Variants in TOPAZ1 observed in about 807,000 individuals in gnomAD.
The protein encoded by TOPAZ1 is protein TOPAZ1.
TOPAZ1 carries 66 observed loss-of-function variants against 172.2 expected under a neutral mutation model. That is an observed-to-expected ratio of 0.38 (90% CI 0.31 to 0.47). The LOEUF is 0.47. Ranked by LOEUF, TOPAZ1 falls within the 20% of genes least tolerant of loss-of-function variation. The pLI is 0.99. For missense variants in TOPAZ1, 1,822 were observed against 1,972.4 expected, an observed-to-expected ratio of 0.92 and a Z score of 1.44; for synonymous variants, 681 against 683.9, an observed-to-expected ratio of 1.00 and a Z score of 0.07.
chr3:44,303,126 C>A (rs547898266), intron 12 of TOPAZ1, among the ~76,000 whole-genome samples: 11 of 152,310 alleles, frequency 7.2e-5, no homozygotes, highest in African/African-American at 2.6e-4. Flanking sequence ...AGCCACCTCA[C>A]ACAGGCTGTC....
At chr3:44,300,494 G>A (rs1160319209) in intron 12 of TOPAZ1, among the ~76,000 whole-genome samples, 1 of 152,108 alleles carries the variant, frequency 6.6e-6, no homozygotes, top group Non-Finnish European at 1.5e-5. Context: ...TATGCAGATG[G>A]CAACTAAGCA....
downstream of TOPAZ1, among the ~76,000 whole-genome samples, chr3:44,333,574 A>G (rs1240750468): frequency 1.3e-5 from 2 of 152,116 alleles, no homozygotes; most frequent in Non-Finnish European, 2.9e-5. Context: ...GCAGGAGGGA[A>G]AGGATGATAA....
chr3:44,293,038 T>G (rs1260273594), intron 12 of TOPAZ1, among the ~76,000 whole-genome samples: 1 of 152,196 alleles, frequency 6.6e-6, no homozygotes, highest in Non-Finnish European at 1.5e-5. Flanking sequence ...TATACCATGG[T>G]GATCCCATAA....
At chr3:44,258,618 A>T (rs1042618640) in intron 4 of TOPAZ1, among the ~76,000 whole-genome samples, 2 of 152,038 alleles carry the variant, frequency 1.3e-5, no homozygotes, top group African/African-American at 4.8e-5. Flanking sequence ...GTGGATATTC[A>T]ACCAAGTCAT....
intron 16 of TOPAZ1, among the ~76,000 whole-genome samples, chr3:44,317,812 G>A (rs2125703825): frequency 6.6e-6 from 1 of 152,224 alleles, no homozygotes; most frequent in African/African-American, 2.4e-5. Context: ...TTATTCTTGG[G>A]AATTTAATTC....
intron 12 of TOPAZ1, among the ~76,000 whole-genome samples, chr3:44,292,137 T>G (rs549972585): frequency 6.6e-6 from 1 of 152,338 alleles, no homozygotes; most frequent in African/African-American, 2.4e-5. Flanking sequence ...TAAATAGTAC[T>G]TCTTCCCTTC....
intron 18 of TOPAZ1, among the ~76,000 whole-genome samples, chr3:44,327,240 G>T (rs959301349): frequency 6.6e-6 from 1 of 152,218 alleles, no homozygotes; most frequent in Non-Finnish European, 1.5e-5. Flanking sequence ...TCAAAGATTA[G>T]CCATTACCCA....
chr3:44,319,546 GAACA>G (rs1700487404), intron 16 of TOPAZ1, among the ~76,000 whole-genome samples: 3 of 152,056 alleles, frequency 2.0e-5, no homozygotes, highest in Non-Finnish European at 4.4e-5. Flanking sequence ...AATGGTGAAC[GAACA>G]GTTTTACTTT....
Position 44,287,761 on chromosome 3 carries a change from A to G in TOPAZ1, c.3603A>G (p.Ile1201Met), listed in dbSNP as rs1245785118. The G allele has an allele frequency of 6.7e-7, 1 of 1,482,630 alleles. No individual in the cohort carries two copies. Among genetic ancestry groups the G allele is most frequent in the Non-Finnish European group, 9.1e-7 (1 of 1,103,268 alleles). The allele number at this position is 1,482,630 out of a possible 1,614,324, so 91.8% of individuals were successfully genotyped here. The change falls in exon 11 of 20, where the codon ATA (isoleucine) becomes ATG (methionine). Residue 1201 changes from isoleucine to methionine, a missense_variant. Physicochemically the swap from Ile to Met is conservative, Grantham distance 10 (BLOSUM62 1). This residue lies in a region of TOPAZ1 where 1,489 missense variants were observed against 1,490.8 expected (regional missense o/e 1.00). Coordinates refer to ENST00000309765, the MANE Select transcript of TOPAZ1 (RefSeq NM_001145030.2). The stretch of plus-strand genomic sequence containing the variant: ...GTTTTATCCAGCCTTCTCTGAAAAT[A>G]TTACTAAACATATTTGAGTATGTGG... Reference protein sequence around the residue: ...IMVKMLPSLKILLNIFEYVAT... With the variant: ...IMVKMLPSLKMLLNIFEYVAT...
chr3:44,251,212 C>G (rs1699626552), intron 2 of TOPAZ1, among the ~76,000 whole-genome samples: 1 of 152,070 alleles, frequency 6.6e-6, no homozygotes, highest in Non-Finnish European at 1.5e-5. Context: ...CCTCTACCTA[C>G]CAGGCTCAAA....
At chr3:44,334,427 T>G (rs1262697570), downstream of TOPAZ1, among the ~76,000 whole-genome samples, 1 of 152,112 alleles carries the variant, frequency 6.6e-6, no homozygotes, top group Non-Finnish European at 1.5e-5. Context: ...TCTTGCTCTG[T>G]GTCATGAAGG....
intron 12 of TOPAZ1, among the ~76,000 whole-genome samples, chr3:44,302,551 C>T (rs1453704190): frequency 6.6e-6 from 1 of 152,114 alleles, no homozygotes; most frequent in Non-Finnish European, 1.5e-5. Flanking sequence ...TTTGCCTATT[C>T]CTGCACTGGA....
intron 9 of TOPAZ1, among the ~76,000 whole-genome samples, chr3:44,282,458 A>G (rs1202048845): frequency 6.6e-6 from 1 of 152,152 alleles, no homozygotes; most frequent in Non-Finnish European, 1.5e-5. Flanking sequence ...TCAAACTTCA[A>G]GGCTACTATT....
intron 8 of TOPAZ1, among the ~76,000 whole-genome samples, chr3:44,271,542 G>GTATA (rs1185125837): frequency 2.0e-5 from 3 of 152,030 alleles, no homozygotes; most frequent in African/African-American, 7.2e-5. Context: ...ATGTGTGTAT[G>GTATA]TATATCTATA....
intron 12 of TOPAZ1, among the ~76,000 whole-genome samples, chr3:44,293,754 G>T (rs1454607605): frequency 1.3e-5 from 2 of 152,114 alleles, no homozygotes; most frequent in African/African-American, 4.8e-5. Context: ...TATAGTATTT[G>T]TAAAGTCTAC....
intron 9 of TOPAZ1, among the ~76,000 whole-genome samples, chr3:44,283,946 T>C (rs535575323): frequency 6.6e-6 from 1 of 152,354 alleles, no homozygotes; most frequent in Non-Finnish European, 1.5e-5. Context: ...TTATTATTTA[T>C]ATTCAAATTT....
intron 12 of TOPAZ1, among the ~76,000 whole-genome samples, chr3:44,303,189 G>T (rs1237889399): frequency 6.7e-6 from 1 of 150,238 alleles, no homozygotes; most frequent in Non-Finnish European, 1.5e-5. Context: ...TTAGAAAATT[G>T]TTTTTTTTTC....
intron 14 of TOPAZ1, among the ~76,000 whole-genome samples, chr3:44,305,564 C>A (rs934912811): frequency 6.6e-6 from 1 of 151,984 alleles, no homozygotes; most frequent in Non-Finnish European, 1.5e-5. Context: ...GACACAGAAT[C>A]TTGCTTCATT....
intron 5 of TOPAZ1, among the ~76,000 whole-genome samples, chr3:44,263,482 A>C (rs1389403071): frequency 6.6e-6 from 1 of 152,202 alleles, no homozygotes; most frequent in East Asian, 1.9e-4. Context: ...ATAAAAATTC[A>C]TAATTTCTAT....
Sources: gnomAD v4.1 joint callset for allele counts (sites outside exome capture counted in the v4.1 genomes callset) on GRCh38, gnomAD v4.1.1 for gene constraint, gnomAD v4.1.1 regional missense constraint, MANE v1.5 for transcripts, NCBI Gene and HGNC (gene_info 2026-07-23, HGNC 2026-07-21) for gene names.